The following KCNH7 variants were observed in gnomAD, a reference collection of about 807,000 sequenced individuals.
KCNH7 encodes potassium voltage-gated channel subfamily H member 7.
KCNH7 carries 49 observed loss-of-function variants against 120.8 expected under a neutral mutation model. That is an observed-to-expected ratio of 0.41 (90% CI 0.32 to 0.51). KCNH7 has a LOEUF of 0.51. Ranked by LOEUF, KCNH7 falls within the 20% of genes least tolerant of loss-of-function variation. The pLI is 0.38. For missense variants in KCNH7, 1,097 were observed against 1,446.6 expected (o/e 0.76, Z 3.92); for synonymous variants, 547 against 516.1 (o/e 1.06, Z -0.81).
At chr2:162,747,780 C>T (rs1688364700) in intron 2 of KCNH7, among the ~76,000 whole-genome samples, 1 of 152,100 alleles carries the variant, frequency 6.6e-6, no homozygotes, top group Admixed American at 6.5e-5. Flanking sequence ...TCATATGCAC[C>T]CAATACTTAT....
intron 2 of KCNH7, among the ~76,000 whole-genome samples, chr2:162,814,405 A>G (rs941148211): frequency 5.9e-5 from 9 of 152,194 alleles, no homozygotes; most frequent in Non-Finnish European, 1.0e-4. Flanking sequence ...ATGAGGCTTA[A>G]TCTAGTTACT....
intron 2 of KCNH7, among the ~76,000 whole-genome samples, chr2:162,593,330 G>A (rs1218176568): frequency 6.6e-6 from 1 of 152,070 alleles, no homozygotes; most frequent in Non-Finnish European, 1.5e-5. Context: ...AATATAGGCA[G>A]ACAGAAGTGA....
intron 2 of KCNH7, among the ~76,000 whole-genome samples, chr2:162,813,283 T>A (rs1684797081): frequency 6.6e-6 from 1 of 152,114 alleles, no homozygotes; most frequent in African/African-American, 2.4e-5. Context: ...GGTGAGACAA[T>A]CATGGATAAA....
At chr2:162,735,164 A>C (rs935407106) in intron 2 of KCNH7, among the ~76,000 whole-genome samples, 3 of 152,194 alleles carry the variant, frequency 2.0e-5, no homozygotes, top group Non-Finnish European at 4.4e-5. Flanking sequence ...TAATGAGAGA[A>C]ATCTAATATG....
At chr2:162,710,640 A>C (rs1211661295) in intron 2 of KCNH7, among the ~76,000 whole-genome samples, 1 of 152,206 alleles carries the variant, frequency 6.6e-6, no homozygotes, top group Non-Finnish European at 1.5e-5. Context: ...GCATGAATGC[A>C]GTGGGAGGAC....
chr2:162,823,471 G>T (rs1685182831), intron 2 of KCNH7, among the ~76,000 whole-genome samples: 1 of 152,070 alleles, frequency 6.6e-6, no homozygotes, highest in Admixed American at 6.5e-5. Flanking sequence ...AAAAATTCCA[G>T]GATCTGATTT....
chr2:162,523,682 A>T (rs1691606115), intron 3 of KCNH7, among the ~76,000 whole-genome samples: 1 of 151,904 alleles, frequency 6.6e-6, no homozygotes, highest in African/African-American at 2.4e-5. Context: ...GGGATATTAG[A>T]AACAATCATT....
At chr2:162,651,564 T>C (rs1684566073) in intron 2 of KCNH7, among the ~76,000 whole-genome samples, 1 of 152,180 alleles carries the variant, frequency 6.6e-6, no homozygotes, top group Non-Finnish European at 1.5e-5. Context: ...TAGTATTCCA[T>C]GGTGTATATG....
intron 2 of KCNH7, among the ~76,000 whole-genome samples, chr2:162,662,876 G>A (rs185506332): frequency 5.3e-4 from 81 of 152,308 alleles, no homozygotes; most frequent in Admixed American, 5.2e-3. Flanking sequence ...CTGAGAATAA[G>A]TAAATGAATA....
intron 3 of KCNH7, among the ~76,000 whole-genome samples, chr2:162,527,161 A>G (rs1479800594): frequency 6.6e-6 from 1 of 151,948 alleles, no homozygotes; most frequent in Non-Finnish European, 1.5e-5. Context: ...TGCAACTCTG[A>G]GTAAATTTTC....
chr2:162,676,223 T>C (rs1685525070), intron 2 of KCNH7, among the ~76,000 whole-genome samples: 1 of 151,526 alleles, frequency 6.6e-6, no homozygotes, highest in South Asian at 2.1e-4. Flanking sequence ...GATTTACCTC[T>C]AAGGCTCTGC....
At chr2:162,684,863 A>T (rs1685831086) in intron 2 of KCNH7, among the ~76,000 whole-genome samples, 1 of 152,154 alleles carries the variant, frequency 6.6e-6, no homozygotes, top group African/African-American at 2.4e-5. Flanking sequence ...TCCCCAGAGG[A>T]TTATAAATCA....
chr2:162,641,296 C>T (rs916284100), intron 2 of KCNH7, among the ~76,000 whole-genome samples: 12 of 152,142 alleles, frequency 7.9e-5, no homozygotes, highest in African/African-American at 2.9e-4. Flanking sequence ...AACTATGGTA[C>T]ATGTGTATCG....
intron 6 of KCNH7, among the ~76,000 whole-genome samples, chr2:162,490,456 G>T (rs1690259105): frequency 6.6e-6 from 1 of 152,208 alleles, no homozygotes; most frequent in South Asian, 2.1e-4. Context: ...CTTCCTGGTT[G>T]TAAGACAAGA....
chr2:162,521,544 A>T (rs1691522896), intron 3 of KCNH7, among the ~76,000 whole-genome samples: 1 of 151,918 alleles, frequency 6.6e-6, no homozygotes, highest in East Asian at 1.9e-4. Context: ...TTATTATTAT[A>T]AGCTTTCATT....
At chr2:162,782,225 C>T (rs1022226690) in intron 2 of KCNH7, among the ~76,000 whole-genome samples, 3 of 151,824 alleles carry the variant, frequency 2.0e-5, no homozygotes, top group East Asian at 1.9e-4. Flanking sequence ...TCCTAGTATG[C>T]GAGAAAAGAT....
chr2:162,713,853 A>T (rs1687013125), intron 2 of KCNH7, among the ~76,000 whole-genome samples: 1 of 152,080 alleles, frequency 6.6e-6, no homozygotes, highest in Non-Finnish European at 1.5e-5. Flanking sequence ...GGTTCAAGTG[A>T]TTCTCCTGCC....
chr2:162,497,575 A>G (rs1293716091), intron 6 of KCNH7, among the ~76,000 whole-genome samples: 2 of 152,146 alleles, frequency 1.3e-5, no homozygotes, highest in Non-Finnish European at 2.9e-5. Context: ...TAGGGGACAA[A>G]TGGGGAAACA....
intron 2 of KCNH7, among the ~76,000 whole-genome samples, chr2:162,619,082 T>C (rs1487659324): frequency 6.6e-6 from 1 of 152,172 alleles, no homozygotes; most frequent in Non-Finnish European, 1.5e-5. Context: ...TCAACTCATC[T>C]GCCTATCCAT....
Sources: gnomAD v4.1 joint callset for allele counts (sites outside exome capture counted in the v4.1 genomes callset) on GRCh38, gnomAD v4.1.1 for gene constraint, MANE v1.5 for transcripts, NCBI Gene and HGNC (gene_info 2026-07-23, HGNC 2026-07-21) for gene names.